The following ORC4 variants were observed in gnomAD, a reference collection of about 807,000 sequenced individuals.
ORC4 encodes the protein origin recognition complex, subunit 4 homolog.
In ORC4, 55 loss-of-function variants were observed where a neutral mutation model predicts 63.9. That is an observed-to-expected ratio of 0.86 (90% confidence interval 0.69 to 1.08). ORC4 has a LOEUF of 1.08. ORC4 is among the 50% of genes least tolerant of loss of function. The pLI, the probability that ORC4 is intolerant of heterozygous loss-of-function variation, is 0.00. For missense variants in ORC4, 511 were observed against 504.4 expected, an observed-to-expected ratio of 1.01 and a Z score of -0.13; for synonymous variants, 150 against 168.5, an observed-to-expected ratio of 0.89 and a Z score of 0.85.
Position 147,948,170 on chromosome 2 carries a change from T to C in ORC4, c.643A>G (p.Ile215Val), listed in dbSNP as rs979456998. The C allele has an allele frequency of 1.2e-6, 2 of 1,610,506 alleles. No homozygotes were observed. The highest frequency in any genetic ancestry group is 2.7e-5 in the African/African-American group (2 of 74,926). The part of the protein sequence containing the change: ...RVKSRFSHRQ[I>V]HLMNSFGFPQ... ...AAACCAAATGAATTCATTAAGTGTA[T>C]CTGCCGGTGAGAAAATCTTGACTTC... Residue 215 changes from isoleucine to valine, a missense_variant, in exon 9 of 14, where the codon ATA becomes GTA. Transcript: ENST00000392857.
intron 1 of ORC4, among the ~76,000 whole-genome samples, chr2:148,015,676 T>G (rs1042223900): frequency 8.5e-6 from 1 of 117,686 alleles, no homozygotes; most frequent in Non-Finnish European, 1.7e-5. Flanking sequence ...ATTTCTTGCT[T>G]TTTTTTTTTG....
At chr2:147,955,253 T>G in intron 7 of ORC4, 94 bp downstream of exon 7, 1 of 801,186 alleles carries the variant, frequency 1.2e-6, no homozygotes, top group South Asian at 1.6e-5. Context: ...ATGAGAGCTT[T>G]TTTTTTTGGC....
At position 147,934,070 on chromosome 2, in the gene ORC4, TC is replaced by T. The variant is rs1379108510; in HGVS notation, c.*1439del. The T allele has an allele frequency of 3.9e-5, 6 of 152,300 alleles. No individual in the cohort carries two copies. The East Asian group carries it at 1.2e-3, about 29-fold the overall frequency. 9.4% of individuals were successfully genotyped at this position (152,300 alleles called of 1,614,324 possible). A position where few individuals can be genotyped will look rare whatever the true frequency, so the allele number is the denominator to read the frequency against. On this transcript the variant is annotated 3_prime_UTR_variant, in exon 14 of 14. Coordinates refer to ENST00000392857, the MANE Select transcript of ORC4 (RefSeq NM_181741.4). Reference sequence around the variant, plus strand: ...TTGGTAAGGAATCCACTGTTGAACTTCAGGTCTTAATAGCACTGGCTTTGGT... The same window carrying T: ...TTGGTAAGGAATCCACTGTTGAACTTAGGTCTTAATAGCACTGGCTTTGGT...
chr2:148,005,937 G>T (rs1270271959), intron 1 of ORC4, among the ~76,000 whole-genome samples: 1 of 152,066 alleles, frequency 6.6e-6, no homozygotes, highest in Admixed American at 6.6e-5. Context: ...TTGAGATCAC[G>T]CCATGCACTC....
chr2:147,943,349 G>C (rs761259004), intron 10 of ORC4, 87 bp downstream of exon 10: 2 of 865,984 alleles, frequency 2.3e-6, no homozygotes, highest in Non-Finnish European at 3.9e-6. Flanking sequence ...CCAGGAGTTC[G>C]CAACCAGTCT....
At chr2:147,972,962 C>A in intron 3 of ORC4, 133 bp from the exon 4 acceptor site, 1 of 639,640 alleles carries the variant, frequency 1.6e-6, no homozygotes. Context: ...CTTGGCCTAG[C>A]TTCTGAATGG....
intron 4 of ORC4, among the ~76,000 whole-genome samples, chr2:147,962,051 G>A (rs765575429): frequency 2.0e-5 from 3 of 152,164 alleles, no homozygotes; most frequent in African/African-American, 4.8e-5. Flanking sequence ...GTACTGGAGT[G>A]CAGCAGGGAA....
chr2:147,935,756 G>A (rs1032383684), intron 13 of ORC4, 58 bp from the exon 14 acceptor site: 22 of 1,397,034 alleles, frequency 1.6e-5, no homozygotes, highest in Non-Finnish European at 2.0e-5. Flanking sequence ...CAACTCTCCT[G>A]TTCTCTCCCA....
At chr2:148,002,502 C>T (rs1044443021) in intron 1 of ORC4, among the ~76,000 whole-genome samples, 9 of 152,122 alleles carry the variant, frequency 5.9e-5, no homozygotes, top group Admixed American at 2.0e-4. Context: ...CAACCTGCTC[C>T]TGAATGAATA....
intron 13 of ORC4, among the ~76,000 whole-genome samples, chr2:147,937,210 C>T (rs941137652): frequency 6.6e-6 from 1 of 151,978 alleles, no homozygotes; most frequent in Non-Finnish European, 1.5e-5. Flanking sequence ...TTACTAGGGC[C>T]TATAAGGGAT....
At chr2:148,016,444 G>A (rs1206581537) in intron 1 of ORC4, among the ~76,000 whole-genome samples, 1 of 152,174 alleles carries the variant, frequency 6.6e-6, no homozygotes, top group African/African-American at 2.4e-5. Context: ...CAGCCAGCAT[G>A]GGTCAACAGA....
At chr2:147,973,333 T>G in intron 3 of ORC4, 115 bp downstream of exon 3, 1 of 724,898 alleles carries the variant, frequency 1.4e-6, no homozygotes, top group Non-Finnish European at 2.5e-6. Context: ...ATTTTTTATT[T>G]CTATAAAAGT....
chr2:148,005,388 A>G (rs1315478057), intron 1 of ORC4, among the ~76,000 whole-genome samples: 1 of 151,558 alleles, frequency 6.6e-6, no homozygotes, highest in Non-Finnish European at 1.5e-5. Flanking sequence ...AACATCACAC[A>G]CTGGGGCCTG....
intron 4 of ORC4, among the ~76,000 whole-genome samples, chr2:147,965,728 A>G (rs564961425): frequency 1.3e-5 from 2 of 152,328 alleles, no homozygotes; most frequent in Admixed American, 6.5e-5. Flanking sequence ...GACCTAAAAT[A>G]CATCTATAGA....
chr2:147,999,330 A>C (rs1692164282), intron 1 of ORC4, among the ~76,000 whole-genome samples: 1 of 152,164 alleles, frequency 6.6e-6, no homozygotes, highest in Non-Finnish European at 1.5e-5. Flanking sequence ...GAGAGGATTA[A>C]GAGAGTGTTT....
chr2:148,014,169 C>T (rs145925914), intron 1 of ORC4, among the ~76,000 whole-genome samples: 2 of 152,050 alleles, frequency 1.3e-5, no homozygotes, highest in African/African-American at 4.8e-5. Context: ...TACAGCGAGA[C>T]CTCATTTAAA....
At chr2:147,984,459 A>G (rs1328305489) in intron 1 of ORC4, among the ~76,000 whole-genome samples, 1 of 152,168 alleles carries the variant, frequency 6.6e-6, no homozygotes, top group Non-Finnish European at 1.5e-5. Context: ...CTTCCAGTCA[A>G]GTAGGCTATT....
chr2:147,966,340 A>G lies in ORC4; in HGVS notation c.225+6399T>C, dbSNP rs539234201. Among the ~76,000 whole-genome samples the G allele has an allele frequency of 1.7e-4, 26 of 152,178 alleles. 1 individual carries two copies. In the South Asian group the frequency reaches 5.2e-3, roughly 30 times the overall value. On this transcript the variant is annotated intron_variant, in intron 4 of 13. Transcript: ENST00000392857. ...AAATTTTAAATTAAAAAATCTAACA[A>G]TGTATTCCAAAGAGCTAGAAAAGAA... is the stretch of plus-strand genomic sequence containing the variant.
chr2:147,932,390 TTACA>T lies in ORC4; in HGVS notation c.*3116_*3119del. On this transcript the variant is annotated 3_prime_UTR_variant, in exon 14 of 14. Transcript: ENST00000392857. ...AAATGGCCATACTGCCCAAGGTAAT[TTACA>T]GATTCAATGCCATCCCCATCAAGCT... The T allele has an allele frequency of 1.3e-5, 2 of 152,008 alleles. No individual in the cohort carries two copies. Among genetic ancestry groups the T allele is most frequent in the African/African-American group, 2.4e-5 (1 of 41,388 alleles). The allele number at this position is 152,008 out of a possible 1,614,324, so 9.4% of individuals were successfully genotyped here. A position where few individuals can be genotyped will look rare whatever the true frequency, so the allele number is the denominator to read the frequency against.
Sources: gnomAD v4.1 joint callset for allele counts (sites outside exome capture counted in the v4.1 genomes callset) on GRCh38, gnomAD v4.1.1 for gene constraint, MANE v1.5 for transcripts, NCBI Gene and HGNC (gene_info 2026-07-23, HGNC 2026-07-21) for gene names.